DSCAML1: variants seen among roughly 807,000 people sequenced by gnomAD.
DSCAML1 encodes cell adhesion molecule DSCAML1.
A neutral mutation model predicts 200.5 loss-of-function variants in DSCAML1; 38 were observed. That is an observed-to-expected ratio of 0.19 (90% CI 0.15 to 0.25). The LOEUF (loss-of-function observed/expected upper bound fraction) is 0.25. Among genes scored for constraint, DSCAML1 ranks in the 10% least tolerant of loss-of-function variants. The pLI is 1.00. For missense variants in DSCAML1, 2,223 were observed against 2,858.8 expected (o/e 0.78, Z 5.07); for synonymous variants, 1,215 against 1,165.0 (o/e 1.04, Z -0.87).
chr11:117,510,810 C>T (rs889292886), intron 8 of DSCAML1, among the ~76,000 whole-genome samples: 9 of 152,206 alleles, frequency 5.9e-5, no homozygotes, highest in Admixed American at 5.9e-4. Flanking sequence ...GTCATGAGCC[C>T]TGTCTGTCCC....
chr11:117,675,250 C>T (rs956843817), intron 3 of DSCAML1, among the ~76,000 whole-genome samples: 2 of 152,168 alleles, frequency 1.3e-5, no homozygotes, highest in Non-Finnish European at 2.9e-5. Context: ...CACACACAGA[C>T]AATACCATGG....
intron 21 of DSCAML1, among the ~76,000 whole-genome samples, chr11:117,442,278 A>G (rs1485482843): frequency 6.7e-6 from 1 of 148,560 alleles, no homozygotes; most frequent in East Asian, 2.0e-4. Flanking sequence ...ATTAGTGTGT[A>G]TAGTGTGTAT....
chr11:117,743,806 C>T (rs954218120), intron 3 of DSCAML1, among the ~76,000 whole-genome samples: 3 of 152,220 alleles, frequency 2.0e-5, no homozygotes, highest in Non-Finnish European at 4.4e-5. Flanking sequence ...CACAAACACA[C>T]CCGCAGCCTG....
At chr11:117,643,313 C>G (rs1236516661) in intron 3 of DSCAML1, among the ~76,000 whole-genome samples, 1 of 152,110 alleles carries the variant, frequency 6.6e-6, no homozygotes, top group East Asian at 1.9e-4. Context: ...ACCAAAGTGA[C>G]TGTGTGTGCA....
intron 19 of DSCAML1, among the ~76,000 whole-genome samples, chr11:117,455,466 G>T (rs2048353527): frequency 6.6e-6 from 1 of 152,166 alleles, no homozygotes; most frequent in South Asian, 2.1e-4. Flanking sequence ...TTTGCATGTG[G>T]AGGTCATATT....
rs2049821401 is a variant in DSCAML1, at chr11:117,518,547, T to C, written c.1429A>G (p.Ile477Val). 2 of 1,614,150 alleles carry C rather than the reference T, an allele frequency of 1.2e-6. No individual in the cohort carries two copies. Among genetic ancestry groups the C allele is most frequent in the Non-Finnish European group, 1.7e-6 (2 of 1,180,038 alleles). Residue 477 changes from isoleucine (I) to valine (V), a missense_variant, in exon 7 of 33, where the codon ATC (isoleucine) becomes GTC (valine). Transcript: ENST00000651296. This position sits in a 1 kb window ranked among gnomAD's most constrained non-coding sequence, Gnocchi z 6.3. ...ISHMNVTGPQIRDGGVYRCTA... is the reference protein window; with the variant it reads ...ISHMNVTGPQVRDGGVYRCTA... ...CACCGGTACACGCCCCCGTCGCGGATCTGGGGGCCTGTGACGTTCATGTGG... is the reference window on the plus strand; with the variant it reads ...CACCGGTACACGCCCCCGTCGCGGACCTGGGGGCCTGTGACGTTCATGTGG...
intron 3 of DSCAML1, among the ~76,000 whole-genome samples, chr11:117,682,193 C>A (rs940155409): frequency 6.6e-6 from 1 of 152,162 alleles, no homozygotes. Flanking sequence ...ATGGCAGCAG[C>A]GCTCTGTTCA....
chr11:117,668,049 T>G (rs1254101374), intron 3 of DSCAML1, among the ~76,000 whole-genome samples: 1 of 152,214 alleles, frequency 6.6e-6, no homozygotes, highest in African/African-American at 2.4e-5. Context: ...ATACACATGG[T>G]CCCCTTTATT....
At chr11:117,431,224 C>T (rs7106294) in intron 31 of DSCAML1, among the ~76,000 whole-genome samples, 191 bp from the exon 32 acceptor site, 40,534 of 152,080 alleles carry the variant, frequency 0.27, 5,880 homozygotes, top group African/African-American at 0.36. Flanking sequence ...GGGCAGAACA[C>T]CTTTCATTCT....
chr11:117,492,800 G>C (rs916948594), intron 11 of DSCAML1, among the ~76,000 whole-genome samples: 3 of 152,232 alleles, frequency 2.0e-5, no homozygotes, highest in Admixed American at 6.5e-5. Context: ...AAAGGCTGGG[G>C]GCGGAGTGGG....
chr11:117,649,223 G>T (rs562189325), intron 3 of DSCAML1, among the ~76,000 whole-genome samples: 12 of 151,908 alleles, frequency 7.9e-5, no homozygotes, highest in African/African-American at 2.7e-4. Context: ...GATTACAGGC[G>T]TGCACCCCCA....
intron 3 of DSCAML1, among the ~76,000 whole-genome samples, chr11:117,718,747 G>A (rs909607894): frequency 1.5e-5 from 2 of 135,712 alleles, no homozygotes; most frequent in Non-Finnish European, 3.0e-5. Flanking sequence ...TCGTTACTGC[G>A]CACTTGGCCT....
intron 3 of DSCAML1, among the ~76,000 whole-genome samples, chr11:117,676,825 C>T (rs1298584542): frequency 6.6e-6 from 1 of 152,236 alleles, no homozygotes; most frequent in Non-Finnish European, 1.5e-5. Context: ...CTTTGGGAAA[C>T]GGGCTTGTAG....
At chr11:117,471,101 G>A (rs999038705) in intron 15 of DSCAML1, among the ~76,000 whole-genome samples, 1 of 152,156 alleles carries the variant, frequency 6.6e-6, no homozygotes, top group African/African-American at 2.4e-5. Flanking sequence ...TGGATGATGA[G>A]TGTTGGTTAT....
chr11:117,726,251 C>CTGTGTG (rs374321961), intron 3 of DSCAML1, among the ~76,000 whole-genome samples: 1,853 of 149,262 alleles, frequency 0.012, 32 homozygotes, highest in African/African-American at 0.044. Context: ...GTGTGTATCT[C>CTGTGTG]TGTGTGTGTG....
At chr11:117,587,257 C>CCCA (rs1555187497) in intron 3 of DSCAML1, among the ~76,000 whole-genome samples, 1 of 109,070 alleles carries the variant, frequency 9.2e-6, no homozygotes, top group Non-Finnish European at 1.8e-5. Context: ...TTTCCAACCC[C>CCCA]CCCCCACGAT....
intron 14 of DSCAML1, among the ~76,000 whole-genome samples, chr11:117,473,282 A>G (rs1483484514): frequency 2.0e-5 from 3 of 152,162 alleles, no homozygotes; most frequent in Non-Finnish European, 4.4e-5. Flanking sequence ...GGATCATTTG[A>G]GGTCAGGAGT....
At chr11:117,688,013 A>G (rs775287991) in intron 3 of DSCAML1, among the ~76,000 whole-genome samples, 1 of 152,184 alleles carries the variant, frequency 6.6e-6, no homozygotes, top group Non-Finnish European at 1.5e-5. Flanking sequence ...TGGCCAAGCC[A>G]TTCCCCGTGG....
chr11:117,491,767 C>G (rs1447756064), intron 11 of DSCAML1, among the ~76,000 whole-genome samples: 1 of 152,150 alleles, frequency 6.6e-6, no homozygotes, highest in Non-Finnish European at 1.5e-5. Context: ...GAGTGAGACT[C>G]TGTGTCAATA....
Sources: allele counts gnomAD v4.1 joint callset (sites outside exome capture counted in the v4.1 genomes callset), GRCh38; gene constraint gnomAD v4.1.1; non-coding constraint Gnocchi (gnomAD v3.1); transcripts MANE v1.5; gene names NCBI Gene and HGNC (gene_info 2026-07-23, HGNC 2026-07-21).